DTNA: variants seen among roughly 807,000 people sequenced by gnomAD.
DTNA encodes the protein dystrobrevin alpha.
In DTNA, 43 loss-of-function variants were observed where a neutral mutation model predicts 100.7. The observed-to-expected ratio is 0.43, with a 90% CI of 0.33 to 0.55. The LOEUF is 0.55. Ranked by LOEUF, DTNA falls within the 20% of genes least tolerant of loss-of-function variation. The pLI, the probability that DTNA is intolerant of heterozygous loss-of-function variation, is 0.04. For missense variants in DTNA, 798 were observed against 953.9 expected (o/e 0.84, Z 2.15); for synonymous variants, 349 against 347.9 (o/e 1.00, Z -0.04).
In DTNA at chr18:34,743,063, A is replaced by C. The variant is rs189134046; in HGVS notation, c.-1-12913A>C. On this transcript the variant is annotated intron_variant, in intron 1 of 22. Coordinates refer to ENST00000444659, the MANE Select transcript of DTNA (RefSeq NM_001386795.1). ...ATTCTCCCAGTCTTCCCTTAATTTCAGAAAAAATTCTCTTCAATGGAAGGG... is the reference window on the plus strand; with the variant it reads ...ATTCTCCCAGTCTTCCCTTAATTTCCGAAAAAATTCTCTTCAATGGAAGGG... Among the ~76,000 whole-genome samples the C allele has an allele frequency of 2.6e-4, 40 of 152,270 alleles. No homozygotes were observed. In the East Asian group the frequency reaches 7.2e-3, roughly 27 times the overall value.
intron 1 of DTNA, among the ~76,000 whole-genome samples, chr18:34,665,780 C>T (rs1599812547): frequency 6.6e-6 from 1 of 152,156 alleles, no homozygotes; most frequent in Admixed American, 6.5e-5. Context: ...GCATAGTATT[C>T]CATGGTGTAT....
At chr18:34,706,596 T>C (rs1403449098), upstream of DTNA, among the ~76,000 whole-genome samples, 4 of 152,158 alleles carry the variant, frequency 2.6e-5, no homozygotes, top group Non-Finnish European at 5.9e-5. Context: ...CTGTAAGATA[T>C]GGAGCCATCA....
chr18:34,728,011 T>C (rs1800130866), intron 1 of DTNA, among the ~76,000 whole-genome samples: 2 of 152,206 alleles, frequency 1.3e-5, no homozygotes. Flanking sequence ...TGACTGTCCA[T>C]GGGTAATAGA....
intron 1 of DTNA, among the ~76,000 whole-genome samples, chr18:34,625,113 C>T (rs889095794): frequency 1.3e-5 from 2 of 151,856 alleles, no homozygotes; most frequent in Non-Finnish European, 2.9e-5. Flanking sequence ...CGGCTCACTG[C>T]AATCTCCACC....
intron 3 of DTNA, among the ~76,000 whole-genome samples, chr18:34,777,834 G>C (rs2094135261): frequency 6.6e-6 from 1 of 152,068 alleles, no homozygotes; most frequent in Non-Finnish European, 1.5e-5. Flanking sequence ...CTCCACATGT[G>C]GGCATTACAA....
At chr18:34,882,255 A>G in intron 21 of DTNA, 54 bp downstream of exon 21, 1 of 1,604,448 alleles carries the variant, frequency 6.2e-7, no homozygotes, top group East Asian at 2.2e-5. Context: ...ACCCCTTGGT[A>G]GCTGGGTCTT....
chr18:34,494,635 A>G (rs2038976865), intron 1 of DTNA, among the ~76,000 whole-genome samples: 1 of 151,894 alleles, frequency 6.6e-6, no homozygotes, highest in Non-Finnish European at 1.5e-5. Context: ...CTTTGGAAAG[A>G]TAACTGTAGA....
rs151249058 is a variant in DTNA at position 34,889,285 on chromosome 18, G to C, written c.*1551G>C. 1 of 983,802 alleles carries C rather than the reference G, an allele frequency of 1.0e-6. No homozygotes were observed. The highest frequency in any genetic ancestry group is 1.7e-5 in the African/African-American group (1 of 57,158). The allele number at this position is 983,802 out of a possible 1,614,324, so 60.9% of individuals were successfully genotyped here. ...GGACAAGCAGCATCTGCAACACTTAGGAAGGTCTTCGAAATACTAATTTGT... is the reference window on the plus strand; with the variant it reads ...GGACAAGCAGCATCTGCAACACTTACGAAGGTCTTCGAAATACTAATTTGT... On this transcript the variant is annotated 3_prime_UTR_variant, in exon 23 of 23. Transcript: ENST00000444659.
intron 1 of DTNA, among the ~76,000 whole-genome samples, chr18:34,565,828 T>C (rs2047033800): frequency 2.0e-5 from 3 of 152,236 alleles, no homozygotes; most frequent in Admixed American, 1.3e-4. Flanking sequence ...TGGATGGACT[T>C]ATCTTTTGGA....
chr18:34,687,766 G>T (rs905943128), intron 1 of DTNA, among the ~76,000 whole-genome samples: 123 of 152,234 alleles, frequency 8.1e-4, no homozygotes, highest in African/African-American at 2.7e-3. Context: ...TATTGTGTGG[G>T]AATATAGGTC....
In DTNA at chr18:34,821,061, A is replaced by T. The variant is rs902620777; in HGVS notation, c.1001+146A>T. 19 of 1,259,976 alleles carry T rather than the reference A, an allele frequency of 1.5e-5. No individual in the cohort carries two copies. The African/African-American group carries it at 2.7e-4, about 18-fold the overall frequency. The allele number at this position is 1,259,976 out of a possible 1,614,324, so 78.0% of individuals were successfully genotyped here. ...AAAAAGTCAGAGTAATGCCATCATA[A>T]TTTTTTGTTGTTGTTGAGGTGTACA... On this transcript the variant is annotated intron_variant, in intron 9 of 22. Transcript: ENST00000444659.
chr18:34,767,637 G>A (rs960574770), intron 3 of DTNA: 2 of 152,150 alleles, frequency 1.3e-5, no homozygotes, highest in Non-Finnish European at 2.9e-5. Flanking sequence ...GATGGTGCAG[G>A]GCACACATAG....
chr18:34,815,895 G>A lies in DTNA; in HGVS notation c.604-14G>A. ...ATTCTCTGTCCTAAATTTATGGGGG[G>A]TTTTTTTATGCAGAAAAAAGTCACG... On this transcript the variant is annotated splice_polypyrimidine_tract_variant and intron_variant, in intron 6 of 22. Coordinates refer to ENST00000444659, the MANE Select transcript of DTNA (RefSeq NM_001386795.1). 1.2e-6 allele frequency: 2 copies of A among 1,608,024 alleles called. No individual in the cohort carries two copies. Among genetic ancestry groups the A allele is most frequent in the East Asian group, 2.2e-5 (1 of 44,810 alleles).
chr18:34,623,142 G>C (rs2056797656), intron 1 of DTNA, among the ~76,000 whole-genome samples: 1 of 152,116 alleles, frequency 6.6e-6, no homozygotes, highest in South Asian at 2.1e-4. Flanking sequence ...CATTCACATG[G>C]AATACATTGG....
intron 1 of DTNA, among the ~76,000 whole-genome samples, chr18:34,610,894 T>C (rs1306145901): frequency 6.6e-6 from 1 of 152,186 alleles, no homozygotes; most frequent in African/African-American, 2.4e-5. Context: ...TGTAGTAAAA[T>C]AATGTCTATG....
chr18:34,888,849 C>G lies in DTNA; in HGVS notation c.*1115C>G. The G allele has an allele frequency of 2.0e-6, 2 of 985,890 alleles. No individual in the cohort carries two copies. Among genetic ancestry groups the G allele is most frequent in the Non-Finnish European group, 2.4e-6 (2 of 829,958 alleles). 61.1% of individuals were successfully genotyped at this position (985,890 alleles called of 1,614,324 possible). ...TACAGGCTTAAAGTGCGCTTGCAAA[C>G]GTTTGCTCTCCTTTTTTTCTGAATG... On this transcript the variant is annotated 3_prime_UTR_variant, in exon 23 of 23. Transcript: ENST00000444659.
intron 5 of DTNA, among the ~76,000 whole-genome samples, chr18:34,809,094 A>C (rs1317941186): frequency 1.3e-5 from 2 of 152,198 alleles, no homozygotes; most frequent in African/African-American, 4.8e-5. Flanking sequence ...GGTCACAAAA[A>C]TCTCTCCAGA....
intron 1 of DTNA, among the ~76,000 whole-genome samples, chr18:34,697,216 T>A (rs967432343): frequency 6.6e-6 from 1 of 152,226 alleles, no homozygotes; most frequent in African/African-American, 2.4e-5. Context: ...GTATTACTGT[T>A]ACCTCCATTT....
At chr18:34,529,773 A>G (rs187206649) in intron 1 of DTNA, among the ~76,000 whole-genome samples, 5 of 152,278 alleles carry the variant, frequency 3.3e-5, no homozygotes, top group Admixed American at 3.3e-4. Context: ...AGTAAAAACA[A>G]CTTGATAACT....
Sources: gnomAD v4.1 joint callset for allele counts (sites outside exome capture counted in the v4.1 genomes callset) on GRCh38, gnomAD v4.1.1 for gene constraint, MANE v1.5 for transcripts, NCBI Gene and HGNC (gene_info 2026-07-23, HGNC 2026-07-21) for gene names.